The following B3GAT2 variants were observed in gnomAD, a reference collection of about 807,000 sequenced individuals.
B3GAT2 encodes the protein galactosylgalactosylxylosylprotein 3-beta-glucuronosyltransferase 2.
In B3GAT2, 26 loss-of-function variants were observed where a neutral mutation model predicts 27.8. The ratio of observed to expected loss-of-function variants is 0.93; its 90% CI spans 0.68 to 1.30. The LOEUF (loss-of-function observed/expected upper bound fraction) is 1.30, where lower values mean the gene tolerates loss of function less well. B3GAT2 is among the 50% of genes most tolerant of loss of function. B3GAT2 has a pLI of 0.00. For synonymous variants in B3GAT2, 218 were observed against 195.1 expected (o/e 1.12, Z -0.98); for missense variants, 458 against 459.0 (o/e 1.00, Z 0.02).
intron 1 of B3GAT2, among the ~76,000 whole-genome samples, chr6:70,945,148 C>T (rs547320384): frequency 6.9e-4 from 105 of 152,224 alleles, no homozygotes; most frequent in Non-Finnish European, 1.2e-3. Flanking sequence ...AAACTGGAAA[C>T]TCTAAAAAGC....
In B3GAT2 at chr6:70,860,578, T is replaced by A; in HGVS notation, c.*1085A>T. On this transcript the variant is annotated 3_prime_UTR_variant, in exon 4 of 4. Coordinates refer to ENST00000230053, the MANE Select transcript of B3GAT2 (RefSeq NM_080742.3). ...TTTCCCATGATTTCATGTACTGCAT[T>A]ATTTGAGAAGCTGCTCAACTTGCAA... The A allele has an allele frequency of 4.6e-6, 2 of 437,350 alleles. No homozygotes were observed. Among genetic ancestry groups the A allele is most frequent in the Admixed American group, 8.1e-5 (2 of 24,618 alleles). The allele number at this position is 437,350 out of a possible 1,614,324, so 27.1% of individuals were successfully genotyped here. A position where few individuals can be genotyped will look rare whatever the true frequency, so the allele number is the denominator to read the frequency against.
At chr6:70,948,185 C>T (rs1384870098) in intron 1 of B3GAT2, among the ~76,000 whole-genome samples, 1 of 146,054 alleles carries the variant, frequency 6.8e-6, no homozygotes, top group Admixed American at 6.9e-5. Context: ...CAGGGATGCC[C>T]TCTCTCACCA....
intron 1 of B3GAT2, among the ~76,000 whole-genome samples, chr6:70,923,761 T>TACACAATTTGTG (rs1414438304): frequency 6.6e-6 from 1 of 152,238 alleles, no homozygotes; most frequent in Non-Finnish European, 1.5e-5. Flanking sequence ...GTGTGTGCTA[T>TACACAATTTGTG]TCTTATACAT....
intron 1 of B3GAT2, among the ~76,000 whole-genome samples, chr6:70,939,715 A>C (rs970732946): frequency 7.4e-6 from 1 of 135,386 alleles, no homozygotes; most frequent in Admixed American, 7.8e-5. Context: ...AGACACAGGA[A>C]GGGGAACATC....
chr6:70,863,478 C>G (rs555412797), intron 2 of B3GAT2, among the ~76,000 whole-genome samples: 8 of 152,176 alleles, frequency 5.3e-5, no homozygotes, highest in Admixed American at 5.2e-4. Context: ...GCCCCAGTAT[C>G]GATACCTCCA....
chr6:70,953,730 C>T (rs1433812279), intron 1 of B3GAT2, among the ~76,000 whole-genome samples: 1 of 152,144 alleles, frequency 6.6e-6, no homozygotes, highest in Admixed American at 6.5e-5. Flanking sequence ...TATTGCATTA[C>T]TTCCAATTGT....
chr6:70,956,836 T>G lies in B3GAT2; in HGVS notation c.-407A>C. 1 of 1,059,674 alleles carries G rather than the reference T, an allele frequency of 9.4e-7. No homozygotes were observed. Among genetic ancestry groups the G allele is most frequent in the East Asian group, 1.0e-4 (1 of 9,856 alleles). 65.6% of individuals were successfully genotyped at this position (1,059,674 alleles called of 1,614,324 possible). On this transcript the variant is annotated 5_prime_UTR_variant, in exon 1 of 4. Coordinates refer to ENST00000230053, the MANE Select transcript of B3GAT2 (RefSeq NM_080742.3). ...CCTCGCCGCTCCAGTCCGGCGGTGC[T>G]GCGGGCACAAGGGCTCCAGCCGCGG... is the stretch of plus-strand genomic sequence containing the variant.
At chr6:70,877,407 C>A (rs1772032970) in intron 2 of B3GAT2, among the ~76,000 whole-genome samples, 2 of 152,228 alleles carry the variant, frequency 1.3e-5, no homozygotes, top group South Asian at 2.1e-4. Context: ...TTTCCCCCGA[C>A]CCTCTGCCTC....
rs543516556 is a variant in B3GAT2 at position 70,945,022 on chromosome 6, A to C, written c.591+10817T>G. ...CCTGCAGCTGAGGGTCCTGTCTGTT[A>C]GAAGGAAAACTAACAAACAGAAAGG... is the stretch of plus-strand genomic sequence containing the variant. On this transcript the variant is annotated intron_variant, in intron 1 of 3. Coordinates refer to ENST00000230053, the MANE Select transcript of B3GAT2 (RefSeq NM_080742.3). Among the ~76,000 whole-genome samples, 10 of 152,288 alleles carry C rather than the reference A, an allele frequency of 6.6e-5. No homozygotes were observed. The East Asian group carries it at 1.9e-3, about 29-fold the overall frequency.
chr6:70,899,866 C>G (rs1225297296), intron 1 of B3GAT2, among the ~76,000 whole-genome samples: 1 of 152,190 alleles, frequency 6.6e-6, no homozygotes, highest in Non-Finnish European at 1.5e-5. Context: ...ACAACAGTGA[C>G]TACTAAAAGT....
Position 70,860,316 on chromosome 6 carries a change from C to A in B3GAT2, c.*1347G>T. The A allele has an allele frequency of 6.2e-7, 1 of 1,610,330 alleles. No individual in the cohort carries two copies. The highest frequency in any genetic ancestry group is 8.5e-7 in the Non-Finnish European group (1 of 1,179,026). On this transcript the variant is annotated 3_prime_UTR_variant, in exon 4 of 4. Coordinates refer to ENST00000230053, the MANE Select transcript of B3GAT2 (RefSeq NM_080742.3). Reference sequence around the variant, plus strand: ...GAAGCTCATCAGGTCAGACTCTCAGCACACAACTGTGGAAATGAAAACTGC... The same window carrying A: ...GAAGCTCATCAGGTCAGACTCTCAGAACACAACTGTGGAAATGAAAACTGC...
At chr6:70,950,001 C>T (rs1029093090) in intron 1 of B3GAT2, among the ~76,000 whole-genome samples, 1 of 133,934 alleles carries the variant, frequency 7.5e-6, no homozygotes, top group Non-Finnish European at 1.5e-5. Flanking sequence ...GGGAATTGAA[C>T]AATGAGAACA....
At position 70,878,344 on chromosome 6, in the gene B3GAT2, C is replaced by T. The variant is rs886909323; in HGVS notation, c.736+15784G>A. Among the ~76,000 whole-genome samples the T allele has an allele frequency of 2.0e-5, 3 of 152,288 alleles. No individual in the cohort carries two copies. The South Asian group carries it at 6.2e-4, about 32-fold the overall frequency. ...TTTTTGGACTCATTGATAACTCATA[C>T]ACAATGGCTGATGAATGCTGTACTT... On this transcript the variant is annotated intron_variant, in intron 2 of 3. Coordinates refer to ENST00000230053, the MANE Select transcript of B3GAT2 (RefSeq NM_080742.3).
chr6:70,868,952 T>C (rs941782580), intron 2 of B3GAT2, among the ~76,000 whole-genome samples: 3 of 152,164 alleles, frequency 2.0e-5, no homozygotes, highest in African/African-American at 7.2e-5. Flanking sequence ...TATTGAGATA[T>C]AATTCACATA....
Position 70,858,024 on chromosome 6 carries a change from T to C in B3GAT2, c.*3639A>G, listed in dbSNP as rs146581543. The C allele has an allele frequency of 8.1e-6, 13 of 1,614,126 alleles. No homozygotes were observed. In the African/African-American group the frequency reaches 1.6e-4, roughly 20 times the overall value. ...GTGCCTGTGCCTGCAGCTCCTGGCC[T>C]TATAGGAAATGTGATGGGACAGAGT... On this transcript the variant is annotated 3_prime_UTR_variant, in exon 4 of 4. Coordinates refer to ENST00000230053, the MANE Select transcript of B3GAT2 (RefSeq NM_080742.3).
intron 1 of B3GAT2, among the ~76,000 whole-genome samples, chr6:70,901,395 A>T (rs932224223): frequency 6.6e-6 from 1 of 152,206 alleles, no homozygotes; most frequent in Non-Finnish European, 1.5e-5. Context: ...TGATTCTAGG[A>T]CTGGGATGGG....
At chr6:70,904,592 A>G (rs1463281699) in intron 1 of B3GAT2, among the ~76,000 whole-genome samples, 1 of 152,172 alleles carries the variant, frequency 6.6e-6, no homozygotes, top group Non-Finnish European at 1.5e-5. Flanking sequence ...TGGGCCAAAA[A>G]CGCCAAGAAG....
chr6:70,881,253 C>CAT (rs922016776), intron 2 of B3GAT2, among the ~76,000 whole-genome samples: 17 of 152,180 alleles, frequency 1.1e-4, no homozygotes, highest in Non-Finnish European at 4.4e-5. Flanking sequence ...TCCTTGCTCT[C>CAT]CAATGACTCT....
At position 70,870,631 on chromosome 6, in the gene B3GAT2, A is replaced by AAAACAAAC. The variant is rs559074778; in HGVS notation, c.737-8661_737-8654dup. ...AATAAACCCTCAAGAAAATCTCTTA[A>AAAACAAAC]AAACAAACAAACAAACAAACAAAAA... On this transcript the variant is annotated intron_variant, in intron 2 of 3. Coordinates refer to ENST00000230053, the MANE Select transcript of B3GAT2 (RefSeq NM_080742.3). Among the ~76,000 whole-genome samples the AAAACAAAC allele has an allele frequency of 9.2e-5, 14 of 152,230 alleles. No homozygotes were observed. In the East Asian group the frequency reaches 2.5e-3, roughly 27 times the overall value.
Sources: gnomAD v4.1 joint callset for allele counts (sites outside exome capture counted in the v4.1 genomes callset) on GRCh38, gnomAD v4.1.1 for gene constraint, MANE v1.5 for transcripts, NCBI Gene and HGNC (gene_info 2026-07-23, HGNC 2026-07-21) for gene names.